SOX13: variants seen among roughly 807,000 people sequenced by gnomAD.
The protein encoded by SOX13 is SRY-box transcription factor 13.
Under a neutral mutation model 71.8 loss-of-function variants are expected in SOX13, and 28 were observed. The ratio of observed to expected loss-of-function variants is 0.39; its 90% CI spans 0.29 to 0.53. The LOEUF (loss-of-function observed/expected upper bound fraction) is 0.53, where lower values mean the gene tolerates loss of function less well. Among genes scored for constraint, SOX13 ranks in the 20% least tolerant of loss-of-function variants. SOX13 has a pLI of 0.70. For synonymous variants in SOX13, 309 were observed against 317.8 expected, an observed-to-expected ratio of 0.97 and a Z score of 0.29; for missense variants, 627 against 810.3, an observed-to-expected ratio of 0.77 and a Z score of 2.75.
chr1:204,091,733 CGTGTGTGT>C (rs4018610), intron 1 of SOX13, among the ~76,000 whole-genome samples: 8 of 150,382 alleles, frequency 5.3e-5, no homozygotes, highest in Middle Eastern at 3.4e-3. Flanking sequence ...TGTGCGTGTG[CGTGTGTGT>C]GTGTGTGTGT....
intron 1 of SOX13, among the ~76,000 whole-genome samples, chr1:204,089,241 A>T (rs1656086727): frequency 6.6e-6 from 1 of 151,946 alleles, no homozygotes; most frequent in Non-Finnish European, 1.5e-5. Context: ...TTTATGACTG[A>T]GTGTGTGGTG....
chr1:204,114,286 TG>T, intron 2 of SOX13, 34 bp from the exon 3 acceptor site: 1 of 1,423,108 alleles, frequency 7.0e-7, no homozygotes, highest in Non-Finnish European at 9.7e-7. Flanking sequence ...CCCCTTCTCT[TG>T]GGGGTTATGG....
chr1:204,076,899 G>A lies in SOX13; in HGVS notation c.-2+3188G>A, dbSNP rs561217144. On this transcript the variant is annotated intron_variant, in intron 1 of 13. Coordinates refer to ENST00000367204, the MANE Select transcript of SOX13 (RefSeq NM_005686.3). Reference sequence around the variant, plus strand: ...AACAGGGGAGAACAAGACAGGCAGCGTGCCTGCCTTCAAAGAGGCTTCTTT... The same window carrying A: ...AACAGGGGAGAACAAGACAGGCAGCATGCCTGCCTTCAAAGAGGCTTCTTT... Among the ~76,000 whole-genome samples the A allele has an allele frequency of 3.3e-5, 5 of 152,352 alleles. No homozygotes were observed. In the South Asian group the frequency reaches 8.3e-4, roughly 25 times the overall value.
chr1:204,096,843 C>T (rs1656262968), intron 1 of SOX13, among the ~76,000 whole-genome samples: 1 of 146,192 alleles, frequency 6.8e-6, no homozygotes, highest in African/African-American at 2.6e-5. Context: ...TGCCAATTCT[C>T]CTCCTCCTCT....
Position 204,083,315 on chromosome 1 carries a change from AG to A in SOX13, c.-2+9606del, listed in dbSNP as rs529896634. On this transcript the variant is annotated intron_variant, in intron 1 of 13. Coordinates refer to ENST00000367204, the MANE Select transcript of SOX13 (RefSeq NM_005686.3). Reference sequence around the variant, plus strand: ...TCCTGAGTCAGGACTGATGGGGTTTAGGAGCTCTCAGATGGGGCAGGTAAGA... The same window carrying A: ...TCCTGAGTCAGGACTGATGGGGTTTAGAGCTCTCAGATGGGGCAGGTAAGA... 5.3e-5 allele frequency among the ~76,000 whole-genome samples: 8 copies of A among 152,260 alleles called. No homozygotes were observed. The South Asian group carries it at 1.4e-3, about 28-fold the overall frequency.
At position 204,122,265 on chromosome 1, in the gene SOX13, C is replaced by A. The variant is rs756405105; in HGVS notation, c.890C>A (p.Ala297Asp). 71 of 1,591,212 alleles carry A rather than the reference C, an allele frequency of 4.5e-5. No individual in the cohort carries two copies. Among genetic ancestry groups the A allele is most frequent in the Non-Finnish European group, 4.3e-6 (5 of 1,169,394 alleles). The change falls in exon 9 of 14, where the codon GCC becomes GAC. Residue 297 changes from alanine (A) to aspartate (D), a missense_variant. Coordinates refer to ENST00000367204, the MANE Select transcript of SOX13 (RefSeq NM_005686.3). The stretch of plus-strand genomic sequence containing the variant: ...CCCTCCCAGCCCCTGAACCTCACAG[C>A]CAAGCCCAAGGCCCCCGAGCTGCCC... The part of the protein sequence containing the change: ...QEPSQPLNLT[A>D]KPKAPELPNT...
chr1:204,099,782 A>T (rs1656324896), intron 1 of SOX13, among the ~76,000 whole-genome samples: 1 of 152,182 alleles, frequency 6.6e-6, no homozygotes, highest in Non-Finnish European at 1.5e-5. Context: ...TATTATGAAG[A>T]TTAAATGAAT....
At chr1:204,082,678 G>T (rs945126643) in intron 1 of SOX13, among the ~76,000 whole-genome samples, 2 of 152,192 alleles carry the variant, frequency 1.3e-5, no homozygotes, top group Admixed American at 6.5e-5. Flanking sequence ...ACTGGGGCTT[G>T]TGGGGCAGGG....
chr1:204,086,301 T>A lies in SOX13; in HGVS notation c.-2+12590T>A, dbSNP rs568990192. On this transcript the variant is annotated intron_variant, in intron 1 of 13. Transcript: ENST00000367204. ...CACTCTGGAGTAGCCTTCAACTTTT[T>A]AAAAAATTTTTTTTGTTTTTGAAAT... 6.0e-4 allele frequency among the ~76,000 whole-genome samples: 91 copies of A among 152,306 alleles called. 2 individuals are homozygous for A. In the South Asian group the frequency reaches 8.3e-3, roughly 14 times the overall value.
intron 1 of SOX13, among the ~76,000 whole-genome samples, chr1:204,093,524 G>A (rs1656187789): frequency 6.6e-6 from 1 of 152,236 alleles, no homozygotes; most frequent in African/African-American, 2.4e-5. Context: ...TGGCATGGGT[G>A]TGGGGGGCCA....
At chr1:204,105,472 C>T (rs1322769033) in intron 1 of SOX13, among the ~76,000 whole-genome samples, 2 of 147,960 alleles carry the variant, frequency 1.4e-5, no homozygotes, top group East Asian at 4.0e-4. Context: ...GCAGTGCAAT[C>T]TTGGCTCACT....
chr1:204,095,202 C>T (rs1027953194), intron 1 of SOX13, among the ~76,000 whole-genome samples: 3 of 152,170 alleles, frequency 2.0e-5, no homozygotes, highest in Admixed American at 6.5e-5. Flanking sequence ...GCCTTGAAAC[C>T]GCCAACTCTA....
intron 1 of SOX13, among the ~76,000 whole-genome samples, chr1:204,076,493 G>A (rs80010919): frequency 0.049 from 7,473 of 152,042 alleles, 588 homozygotes; most frequent in African/African-American, 0.17. Flanking sequence ...AGGGGCAAAA[G>A]TGTCACCTCC....
At chr1:204,098,472 C>CAA (rs565698884) in intron 1 of SOX13, among the ~76,000 whole-genome samples, 1 of 138,328 alleles carries the variant, frequency 7.2e-6, no homozygotes, top group South Asian at 2.3e-4. Flanking sequence ...GAGCGAGACT[C>CAA]AAAAAAAAAA....
intron 1 of SOX13, among the ~76,000 whole-genome samples, chr1:204,077,290 T>C (rs920307072): frequency 7.2e-5 from 11 of 152,198 alleles, no homozygotes; most frequent in Non-Finnish European, 1.5e-5. Context: ...CTGGATTTTA[T>C]TGCAGGCGAT....
rs1471557874 is a variant in SOX13, at chr1:204,123,883, G to C, written c.1375+79G>C. The stretch of plus-strand genomic sequence containing the variant: ...GCTGGGTCTATTCAGGGCTTGCTTG[G>C]TGATATTCCATACTGTGTTGGACTC... On this transcript the variant is annotated intron_variant, in intron 12 of 13. Coordinates refer to ENST00000367204, the MANE Select transcript of SOX13 (RefSeq NM_005686.3). This position sits in a 1 kb window ranked among gnomAD's most constrained non-coding sequence, Gnocchi z 5.0. 6.6e-7 allele frequency: 1 copy of C among 1,512,456 alleles called. No individual in the cohort carries two copies. Among genetic ancestry groups the C allele is most frequent in the Non-Finnish European group, 9.1e-7 (1 of 1,099,614 alleles). The allele number at this position is 1,512,456 out of a possible 1,614,324, so 93.7% of individuals were successfully genotyped here.
At chr1:204,086,056 G>A (rs954234499) in intron 1 of SOX13, among the ~76,000 whole-genome samples, 6 of 152,218 alleles carry the variant, frequency 3.9e-5, no homozygotes, top group Admixed American at 1.3e-4. Flanking sequence ...CCCCGGAGGT[G>A]TGAAAGTATG....
chr1:204,079,714 G>A (rs1292505141), intron 1 of SOX13, among the ~76,000 whole-genome samples: 3 of 152,176 alleles, frequency 2.0e-5, no homozygotes, highest in Non-Finnish European at 4.4e-5. Flanking sequence ...GTGGGTGGCA[G>A]GGGGTCCTTC....
At chr1:204,102,261 G>T (rs532743446) in intron 1 of SOX13, among the ~76,000 whole-genome samples, 1 of 152,198 alleles carries the variant, frequency 6.6e-6, no homozygotes, top group African/African-American at 2.4e-5. Context: ...GACTAGTTGC[G>T]CTTGTCCTTT....
Sources: allele counts gnomAD v4.1 joint callset (sites outside exome capture counted in the v4.1 genomes callset), GRCh38; gene constraint gnomAD v4.1.1; non-coding constraint Gnocchi (gnomAD v3.1); transcripts MANE v1.5; gene names NCBI Gene and HGNC (gene_info 2026-07-23, HGNC 2026-07-21).